The following MAPKBP1 variants were observed in gnomAD, a reference collection of about 807,000 sequenced individuals.
The protein encoded by MAPKBP1 is mitogen-activated protein kinase binding protein 1, also known as mitogen-activated protein kinase-binding protein 1.
A neutral mutation model predicts 170.5 loss-of-function variants in MAPKBP1; 71 were observed. The observed-to-expected ratio is 0.42, with a 90% CI of 0.34 to 0.51. The LOEUF (loss-of-function observed/expected upper bound fraction) is 0.51, where lower values mean the gene tolerates loss of function less well. Among genes scored for constraint, MAPKBP1 ranks in the 20% least tolerant of loss-of-function variants. The pLI is 0.06. For missense variants in MAPKBP1, 1,598 were observed against 1,933.0 expected, an observed-to-expected ratio of 0.83 and a Z score of 3.25; for synonymous variants, 719 against 757.9, an observed-to-expected ratio of 0.95 and a Z score of 0.84.
At chr15:41,811,521 T>C in intron 5 of MAPKBP1, 1 of 665,446 alleles carries the variant, frequency 1.5e-6, no homozygotes, top group Non-Finnish European at 2.8e-6. Context: ...CAGAGAGTGC[T>C]GATCCTGCTG....
At position 41,819,546 on chromosome 15, in the gene MAPKBP1, G is replaced by GC. The variant is rs528522403; in HGVS notation, c.2426-48dup. ...GGGGCCAGGGCTCCAGGGTTGGGTGGCGGGGGGGGGGCAGGAGACACTTCC... is the reference window on the plus strand; with the variant it reads ...GGGGCCAGGGCTCCAGGGTTGGGTGGCCGGGGGGGGGGCAGGAGACACTTCC... On this transcript the variant is annotated intron_variant, in intron 21 of 30. Coordinates refer to ENST00000457542, the MANE Select transcript of MAPKBP1 (RefSeq NM_014994.3). 8.6e-4 allele frequency: 1,298 copies of GC among 1,501,012 alleles called. 15 individuals are homozygous for GC. The highest frequency in any genetic ancestry group is 1.0e-3 in the Non-Finnish European group (1,126 of 1,114,754). The allele number at this position is 1,501,012 out of a possible 1,614,324, so 93.0% of individuals were successfully genotyped here.
intron 2 of MAPKBP1, among the ~76,000 whole-genome samples, chr15:41,789,658 A>G (rs1288697851): frequency 2.0e-5 from 3 of 152,186 alleles, no homozygotes; most frequent in Non-Finnish European, 2.9e-5. Context: ...CTCTGACCAC[A>G]TGGGATACTC....
At chr15:41,794,224 T>G (rs1387644829) in intron 2 of MAPKBP1, among the ~76,000 whole-genome samples, 1 of 152,070 alleles carries the variant, frequency 6.6e-6, no homozygotes, top group East Asian at 1.9e-4. Flanking sequence ...AGAGCAAGAC[T>G]TGTCTCAAAA....
chr15:41,797,404 C>T (rs950445964), intron 2 of MAPKBP1, among the ~76,000 whole-genome samples: 12 of 152,272 alleles, frequency 7.9e-5, no homozygotes, highest in African/African-American at 2.4e-4. Flanking sequence ...AGCCTGGGGC[C>T]GTTCTCTTTC....
intron 3 of MAPKBP1, among the ~76,000 whole-genome samples, chr15:41,804,012 G>T (rs1288100734): frequency 6.6e-6 from 1 of 152,084 alleles, no homozygotes; most frequent in Non-Finnish European, 1.5e-5. Context: ...AGCTAATTTT[G>T]TATTTTTAGT....
chr15:41,777,989 AT>A (rs2064125464), intron 2 of MAPKBP1, among the ~76,000 whole-genome samples: 1 of 152,158 alleles, frequency 6.6e-6, no homozygotes, highest in South Asian at 2.1e-4. Flanking sequence ...TTGTACACTT[AT>A]TTTTAGGTCC....
intron 2 of MAPKBP1, among the ~76,000 whole-genome samples, chr15:41,779,159 A>G (rs1385999513): frequency 6.6e-6 from 1 of 152,148 alleles, no homozygotes; most frequent in Non-Finnish European, 1.5e-5. Context: ...GCAATACTCT[A>G]ATTTCAGCTT....
In MAPKBP1 at chr15:41,813,070, G is replaced by C; in HGVS notation, c.788G>C (p.Arg263Pro). Residue 263 changes from arginine (R) to proline (P), a missense_variant, in exon 8 of 31, where the codon CGA becomes CCA. Around this residue, in one of 6 missense-constraint regions of MAPKBP1, gnomAD observed 430 missense variants for 617.2 expected, o/e 0.70. Transcript: ENST00000457542. ...GGGCTGCTGTGCGAGTTCAGTGATC[G>C]AAGGCTTTTGGACAAGTGGGTGGAG... ...SSGLLCEFSD[R>P]RLLDKWVELR... The C allele has an allele frequency of 6.2e-7, 1 of 1,610,172 alleles. No homozygotes were observed. The highest frequency in any genetic ancestry group is 1.1e-5 in the South Asian group (1 of 90,270).
Position 41,782,057 on chromosome 15 carries a change from G to C in MAPKBP1, c.114+6668G>C, listed in dbSNP as rs776906332. Reference sequence around the variant, plus strand: ...AGGTCAGGAGATCGAGACCATCCTGGCTAACACGGTGAAACCCTGTCTCTA... The same window carrying C: ...AGGTCAGGAGATCGAGACCATCCTGCCTAACACGGTGAAACCCTGTCTCTA... On this transcript the variant is annotated intron_variant, in intron 2 of 30. Transcript: ENST00000457542. Among the ~76,000 whole-genome samples, 488 of 141,138 alleles carry C rather than the reference G, an allele frequency of 3.5e-3. 3 individuals are homozygous for C. The highest frequency in any genetic ancestry group is 6.3e-3 in the Admixed American group (89 of 14,104). The allele number at this position is 141,138 out of a possible 152,430, so 92.6% of individuals were successfully genotyped here. A position where few individuals can be genotyped will look rare whatever the true frequency, so the allele number is the denominator to read the frequency against.
rs957812362 is a variant in MAPKBP1 at position 41,821,487 on chromosome 15, G to A, written c.2719-97G>A. 3.7e-5 allele frequency: 42 copies of A among 1,135,984 alleles called. No homozygotes were observed. In the African/African-American group the frequency reaches 5.4e-4, roughly 15 times the overall value. The allele number at this position is 1,135,984 out of a possible 1,614,324, so 70.4% of individuals were successfully genotyped here. The stretch of plus-strand genomic sequence containing the variant: ...ACTCACCTCCACCTCTTCTCCAAGG[G>A]GAGGGTTGGCCCCCAGGATACTCAG... On this transcript the variant is annotated intron_variant, in intron 23 of 30. Transcript: ENST00000457542.
At position 41,824,584 on chromosome 15, in the gene MAPKBP1, C is replaced by A. The variant is rs763697757; in HGVS notation, c.4299+15C>A. 1.3e-6 allele frequency: 2 copies of A among 1,578,158 alleles called. No individual in the cohort carries two copies. Among genetic ancestry groups the A allele is most frequent in the African/African-American group, 1.3e-5 (1 of 74,416 alleles). ...TCTACCACTCGGTGGGTGTTAGGTG[C>A]CCCCCGGCAGGAAGGCGGGCACGTC... On this transcript the variant is annotated intron_variant, in intron 30 of 30. Coordinates refer to ENST00000457542, the MANE Select transcript of MAPKBP1 (RefSeq NM_014994.3).
intron 3 of MAPKBP1, among the ~76,000 whole-genome samples, chr15:41,808,208 G>A (rs1435635849): frequency 4.8e-5 from 7 of 145,348 alleles, no homozygotes; most frequent in African/African-American, 7.6e-5. Context: ...CTGGGTTCAC[G>A]CCATTCTCCT....
Position 41,816,901 on chromosome 15 carries a change from C to A in MAPKBP1, c.1586-9C>A. The stretch of plus-strand genomic sequence containing the variant: ...CACTCATGGGCTGATGGAGTTCTTT[C>A]ATCCCCAGGTCTGAAACTGCTAGCA... On this transcript the variant is annotated splice_polypyrimidine_tract_variant and intron_variant, in intron 13 of 30. Transcript: ENST00000457542. The A allele has an allele frequency of 1.3e-6, 2 of 1,597,812 alleles. No individual in the cohort carries two copies. Among genetic ancestry groups the A allele is most frequent in the South Asian group, 2.3e-5 (2 of 88,640 alleles).
intron 2 of MAPKBP1, among the ~76,000 whole-genome samples, chr15:41,787,135 C>A (rs1433440337): frequency 6.6e-6 from 1 of 151,670 alleles, no homozygotes; most frequent in East Asian, 1.9e-4. Flanking sequence ...CTGTGCCTGG[C>A]CAGTTTCTAA....
At position 41,817,888 on chromosome 15, in the gene MAPKBP1, G is replaced by C; in HGVS notation, c.1905-121G>C. On this transcript the variant is annotated intron_variant, in intron 16 of 30. Coordinates refer to ENST00000457542, the MANE Select transcript of MAPKBP1 (RefSeq NM_014994.3). The surrounding 1 kb of genome is among the most constrained non-coding windows in gnomAD (Gnocchi z 4.2). Reference sequence around the variant, plus strand: ...TGCTTCACCCAAGAGGTGGTAGCCTGTTTGCTGCTGGGGGTAGCTCCCAGA... The same window carrying C: ...TGCTTCACCCAAGAGGTGGTAGCCTCTTTGCTGCTGGGGGTAGCTCCCAGA... 1 of 1,523,592 alleles carries C rather than the reference G, an allele frequency of 6.6e-7. No homozygotes were observed. Among genetic ancestry groups the C allele is most frequent in the South Asian group, 1.2e-5 (1 of 85,162 alleles). The allele number at this position is 1,523,592 out of a possible 1,614,324, so 94.4% of individuals were successfully genotyped here.
intron 3 of MAPKBP1, among the ~76,000 whole-genome samples, chr15:41,806,036 C>T (rs1200192907): frequency 6.6e-6 from 1 of 152,134 alleles, no homozygotes; most frequent in African/African-American, 2.4e-5. Flanking sequence ...GAGATCTTGC[C>T]CCTAGTGACT....
At chr15:41,775,423 C>G (rs1217389800) in intron 2 of MAPKBP1, 34 bp downstream of exon 2, 1 of 1,458,052 alleles carries the variant, frequency 6.9e-7, no homozygotes, top group East Asian at 2.3e-5. Flanking sequence ...CTTTCCAAAC[C>G]CACCCTCTCC....
At position 41,818,102 on chromosome 15, in the gene MAPKBP1, G is replaced by A. The variant is rs760881873; in HGVS notation, c.1980+18G>A. The A allele has an allele frequency of 1.9e-6, 3 of 1,613,644 alleles. No individual in the cohort carries two copies. Among genetic ancestry groups the A allele is most frequent in the Non-Finnish European group, 2.5e-6 (3 of 1,179,520 alleles). ...TCATTAAGGTAAGGACCCAGAGGGG[G>A]TACTGGACAGGGGCTCGGGGACAGA... On this transcript the variant is annotated intron_variant, in intron 17 of 30. Transcript: ENST00000457542. This position sits in a 1 kb window ranked among gnomAD's most constrained non-coding sequence, Gnocchi z 5.2.
intron 2 of MAPKBP1, among the ~76,000 whole-genome samples, chr15:41,783,119 G>A (rs1402233357): frequency 6.6e-6 from 1 of 152,154 alleles, no homozygotes; most frequent in Non-Finnish European, 1.5e-5. Flanking sequence ...GGGAGTGAAG[G>A]GCAGACCGAC....
Sources: allele counts gnomAD v4.1 joint callset (sites outside exome capture counted in the v4.1 genomes callset), GRCh38; gene constraint gnomAD v4.1.1; regional missense constraint gnomAD v4.1.1; non-coding constraint Gnocchi (gnomAD v3.1); transcripts MANE v1.5; gene names NCBI Gene and HGNC (gene_info 2026-07-23, HGNC 2026-07-21).